The following CATSPERB variants were observed in gnomAD, a reference collection of about 807,000 sequenced individuals.
CATSPERB encodes the protein cation channel sperm-associated auxiliary subunit beta.
Under a neutral mutation model 128.3 loss-of-function variants are expected in CATSPERB, and 93 were observed. That is an observed-to-expected ratio of 0.72 (90% confidence interval 0.61 to 0.86). The LOEUF is 0.86. CATSPERB is among the 40% of genes least tolerant of loss of function. The probability of loss-of-function intolerance (pLI) is 0.00; values close to 1 mark genes in which losing one functional copy is unlikely to be tolerated. For missense variants in CATSPERB, 1,153 were observed against 1,329.5 expected (o/e 0.87, Z 2.06); for synonymous variants, 381 against 448.8 (o/e 0.85, Z 1.91).
chr14:91,651,476 C>T (rs1375252109), intron 15 of CATSPERB, among the ~76,000 whole-genome samples: 1 of 152,236 alleles, frequency 6.6e-6, no homozygotes, highest in Non-Finnish European at 1.5e-5. Context: ...CCTTGTAAAG[C>T]TTCTTCAGGT....
chr14:91,719,311 A>G, intron 5 of CATSPERB, 107 bp downstream of exon 5: 1 of 733,250 alleles, frequency 1.4e-6, no homozygotes, highest in Non-Finnish European at 2.1e-6. Flanking sequence ...CACATGGGGG[A>G]TTTACATGAC....
intron 15 of CATSPERB, among the ~76,000 whole-genome samples, chr14:91,642,500 C>T (rs2139808093): frequency 1.7e-4 from 1 of 5,998 alleles, no homozygotes; most frequent in East Asian, 8.8e-3. Context: ...TGTTTATATG[C>T]TGGATTACAT....
At chr14:91,650,258 C>T (rs946659914) in intron 15 of CATSPERB, among the ~76,000 whole-genome samples, 1 of 152,018 alleles carries the variant, frequency 6.6e-6, no homozygotes, top group Non-Finnish European at 1.5e-5. Context: ...TGGTGCAATA[C>T]ATGTTGAGTT....
intron 22 of CATSPERB, among the ~76,000 whole-genome samples, chr14:91,598,040 T>C (rs1893539715): frequency 6.6e-6 from 1 of 151,834 alleles, no homozygotes; most frequent in Non-Finnish European, 1.5e-5. Context: ...ACACTGACTA[T>C]TCATGACATG....
At chr14:91,718,350 T>A (rs1291295293) in intron 5 of CATSPERB, among the ~76,000 whole-genome samples, 1 of 152,192 alleles carries the variant, frequency 6.6e-6, no homozygotes, top group Non-Finnish European at 1.5e-5. Context: ...CTTTGACACT[T>A]TTTTTATCTA....
chr14:91,609,433 G>C (rs1704644), intron 21 of CATSPERB, among the ~76,000 whole-genome samples: 101,170 of 152,062 alleles, frequency 0.67, 34,462 homozygotes, highest in Admixed American at 0.76. Flanking sequence ...GGCAACATTA[G>C]AGTTCACCCA....
chr14:91,670,680 GA>G (rs1243340329), intron 13 of CATSPERB, among the ~76,000 whole-genome samples: 6 of 139,014 alleles, frequency 4.3e-5, no homozygotes, highest in Admixed American at 1.4e-4. Context: ...CATCTCAAAA[GA>G]AAAAAAAAAG....
Position 91,580,973 on chromosome 14 carries a change from G to A in CATSPERB, c.3267C>T (p.Phe1089=). 1 of 1,614,174 alleles carries A rather than the reference G, an allele frequency of 6.2e-7. No homozygotes were observed. The highest frequency in any genetic ancestry group is 8.5e-7 in the Non-Finnish European group (1 of 1,180,018). ...QLQGIHPWRT[F]QRWIRRNQEK... ...CTTGGTTTCTTCTAATCCATCTTTG[G>A]AATGTCCTCCACGGATGGATGCCTT... is the stretch of plus-strand genomic sequence containing the variant. The change falls in exon 27 of 27, where the codon TTC becomes TTT. Residue 1089 remains phenylalanine (F), a synonymous_variant. Transcript: ENST00000256343.
chr14:91,651,273 T>C (rs1187613410), intron 15 of CATSPERB, among the ~76,000 whole-genome samples: 1 of 152,208 alleles, frequency 6.6e-6, no homozygotes, highest in East Asian at 1.9e-4. Context: ...GGCTGTGAGC[T>C]TCCTAGATTA....
chr14:91,680,466 G>T (rs928112440), intron 11 of CATSPERB, among the ~76,000 whole-genome samples: 1 of 152,210 alleles, frequency 6.6e-6, no homozygotes, highest in Non-Finnish European at 1.5e-5. Context: ...GCAGCCCAAT[G>T]CATAAAATAT....
intron 14 of CATSPERB, among the ~76,000 whole-genome samples, chr14:91,661,526 T>TAC (rs951581497): frequency 5.9e-5 from 8 of 135,208 alleles, no homozygotes; most frequent in African/African-American, 2.1e-4. Context: ...GATGCTATCA[T>TAC]ATATATATAT....
At chr14:91,597,977 T>C (rs1042095670) in intron 22 of CATSPERB, among the ~76,000 whole-genome samples, 1 of 151,962 alleles carries the variant, frequency 6.6e-6, no homozygotes, top group Non-Finnish European at 1.5e-5. Context: ...AACTTGATTA[T>C]ATAAAAGTTT....
intron 11 of CATSPERB, among the ~76,000 whole-genome samples, chr14:91,675,452 T>C (rs1895177256): frequency 6.6e-6 from 1 of 152,246 alleles, no homozygotes; most frequent in Admixed American, 6.5e-5. Flanking sequence ...GTCTCCTCTG[T>C]CTCTTCTGTG....
At chr14:91,721,026 T>C (rs1298831576) in intron 4 of CATSPERB, among the ~76,000 whole-genome samples, 1 of 152,176 alleles carries the variant, frequency 6.6e-6, no homozygotes. Flanking sequence ...GATATCCACA[T>C]GCAAAAGAAT....
chr14:91,723,524 C>G (rs1387507926), intron 3 of CATSPERB, among the ~76,000 whole-genome samples: 1 of 152,048 alleles, frequency 6.6e-6, no homozygotes, highest in East Asian at 1.9e-4. Flanking sequence ...TAAAGCAAAG[C>G]CTATTTTACT....
At chr14:91,649,329 ATATGTG>A (rs1425103861) in intron 15 of CATSPERB, among the ~76,000 whole-genome samples, 13 of 42,380 alleles carry the variant, frequency 3.1e-4, no homozygotes, top group East Asian at 2.6e-3. Context: ...ATGTATACAT[ATATGTG>A]TGTGTGTGTG....
chr14:91,621,606 A>G lies in CATSPERB; in HGVS notation c.2260+2T>C. On this transcript the variant is annotated splice_donor_variant, in intron 19 of 26. Coordinates refer to ENST00000256343, the MANE Select transcript of CATSPERB (RefSeq NM_024764.4). LOFTEE classifies it high-confidence loss of function. ...TATATTTTCCGATCAAAACAAACTT[A>G]CCTTTTGCATTCCGTATGACCTTAG... The G allele has an allele frequency of 6.4e-7, 1 of 1,560,358 alleles. No homozygotes were observed. The highest frequency in any genetic ancestry group is 8.7e-7 in the Non-Finnish European group (1 of 1,153,700).
rs1895125876 is a variant in CATSPERB, at chr14:91,672,989, G to C, written c.1006C>G (p.Pro336Ala). The C allele has an allele frequency of 6.3e-7, 1 of 1,579,172 alleles. No individual in the cohort carries two copies. The highest frequency in any genetic ancestry group is 8.5e-7 in the Non-Finnish European group (1 of 1,171,970). Residue 336 changes from proline to alanine, a missense_variant, in exon 13 of 27, where the codon CCA becomes GCA. Coordinates refer to ENST00000256343, the MANE Select transcript of CATSPERB (RefSeq NM_024764.4). ...ESSSCFYSQE[P>A]FLEWVPCLPH... ...AAGCAGGGTACCCATTCAAGAAATG[G>C]TTCCTGACTATAAAAACAAGAGCTT...
intron 26 of CATSPERB, among the ~76,000 whole-genome samples, chr14:91,582,885 C>A (rs1240992537): frequency 6.6e-6 from 1 of 152,176 alleles, no homozygotes; most frequent in Non-Finnish European, 1.5e-5. Flanking sequence ...AGGACAGGAA[C>A]ATGGGTACAC....
Sources: gnomAD v4.1 joint callset for allele counts (sites outside exome capture counted in the v4.1 genomes callset) on GRCh38, gnomAD v4.1.1 for gene constraint, MANE v1.5 for transcripts, NCBI Gene and HGNC (gene_info 2026-07-23, HGNC 2026-07-21) for gene names.